The following C16orf96 variants were observed in gnomAD, a reference collection of about 807,000 sequenced individuals.
C16orf96 encodes chromosome 16 open reading frame 96.
C16orf96 carries 108 observed loss-of-function variants against 103.6 expected under a neutral mutation model. The ratio of observed to expected loss-of-function variants is 1.04; its 90% confidence interval spans 0.89 to 1.22. The LOEUF (loss-of-function observed/expected upper bound fraction) is 1.22, where lower values mean the gene tolerates loss of function less well. Among genes scored for constraint, C16orf96 ranks in the 50% most tolerant of loss-of-function variants. The probability of loss-of-function intolerance (pLI) is 0.00; values close to 1 mark genes in which losing one functional copy is unlikely to be tolerated. For synonymous variants in C16orf96, 566 were observed against 593.5 expected (o/e 0.95, Z 0.67); for missense variants, 1,586 against 1,464.2 (o/e 1.08, Z -1.36).
chr16:4,542,732 G>C, the C16orf96 span, among the ~76,000 whole-genome samples: 1 of 152,108 alleles, frequency 6.6e-6, no homozygotes, highest in Non-Finnish European at 1.5e-5. Flanking sequence ...GGGAGGCGGA[G>C]GTTGCAGTGA....
the C16orf96 span, among the ~76,000 whole-genome samples, chr16:4,547,047 T>C: frequency 6.6e-6 from 1 of 152,112 alleles, no homozygotes; most frequent in Non-Finnish European, 1.5e-5. Context: ...GCCGCTGCCT[T>C]CCTAAGAGCT....
chr16:4,556,894 T>G lies in C16orf96; in HGVS notation c.405T>G (p.Asp135Glu). ...IKLRKMVEGHDEVMAKSMQTL... is the reference protein window; with the variant it reads ...IKLRKMVEGHEEVMAKSMQTL... Reference sequence around the variant, plus strand: ...TCCGGAAGATGGTGGAGGGTCATGATGAAGTCATGGCCAAGGTACGCCCCC... The same window carrying G: ...TCCGGAAGATGGTGGAGGGTCATGAGGAAGTCATGGCCAAGGTACGCCCCC... The change falls in exon 1 of 16, where the codon GAT (aspartate) becomes GAG (glutamate). Residue 135 changes from aspartate to glutamate, a missense_variant. By Grantham distance (45) the Asp-to-Glu change is conservative. Coordinates refer to ENST00000444310, the MANE Select transcript of C16orf96 (RefSeq NM_001145011.2). The G allele has an allele frequency of 6.5e-7, 1 of 1,544,904 alleles. No homozygotes were observed. Among genetic ancestry groups the G allele is most frequent in the East Asian group, 2.5e-5 (1 of 40,732 alleles).
intron 7 of C16orf96, among the ~76,000 whole-genome samples, chr16:4,584,149 GTC>G (rs1410733638): frequency 6.6e-6 from 1 of 152,072 alleles, no homozygotes; most frequent in Non-Finnish European, 1.5e-5. Flanking sequence ...TCATGACTGT[GTC>G]TCTGTCTTGC....
chr16:4,542,759 T>G, the C16orf96 span, among the ~76,000 whole-genome samples: 1 of 152,064 alleles, frequency 6.6e-6, no homozygotes, highest in Admixed American at 6.6e-5. Context: ...ATCACACCAT[T>G]GCACTCCAGC....
At chr16:4,566,105 G>A (rs1030387019) in intron 1 of C16orf96, among the ~76,000 whole-genome samples, 2 of 152,190 alleles carry the variant, frequency 1.3e-5, no homozygotes, top group Non-Finnish European at 2.9e-5. Context: ...CTTGGCCTCC[G>A]AAAGCAGTCG....
chr16:4,541,306 A>C, the C16orf96 span, among the ~76,000 whole-genome samples: 19 of 152,294 alleles, frequency 1.2e-4, no homozygotes, highest in Non-Finnish European at 1.9e-4. Context: ...TGTGTTTGCA[A>C]ATTTGCCTAC....
At chr16:4,559,741 C>A (rs1399332531) in intron 1 of C16orf96, among the ~76,000 whole-genome samples, 1 of 152,104 alleles carries the variant, frequency 6.6e-6, no homozygotes, top group Non-Finnish European at 1.5e-5. Flanking sequence ...AAGGAAAAAA[C>A]CCTATTTCCC....
Position 4,574,808 on chromosome 16 carries a change from G to A in C16orf96, c.606+19G>A. The A allele has an allele frequency of 6.4e-7, 1 of 1,550,624 alleles. No individual in the cohort carries two copies. Among genetic ancestry groups the A allele is most frequent in the Non-Finnish European group, 8.7e-7 (1 of 1,146,462 alleles). ...GGAAGTGGTGAGGGCCACCATCCCT[G>A]TCTTCCCCCACTCCCCCTGGGACCC... is the stretch of plus-strand genomic sequence containing the variant. On this transcript the variant is annotated intron_variant, in intron 3 of 15. Transcript: ENST00000444310.
chr16:4,551,853 A>G (rs748351393), upstream of C16orf96, among the ~76,000 whole-genome samples: 9 of 152,218 alleles, frequency 5.9e-5, no homozygotes, highest in Admixed American at 1.3e-4. Flanking sequence ...TCAACCCATC[A>G]TCTAGGTTTT....
Position 4,576,351 on chromosome 16 carries a change from T to TG in C16orf96, c.1874dup (p.Ala626CysfsTer16), listed in dbSNP as rs1367806458. On this transcript the variant is annotated frameshift_variant, in exon 5 of 16. Transcript: ENST00000444310. LOFTEE classifies it high-confidence loss of function. ...CCCCTAGGGGTCTTTGCAGATGTCC[T>TG]GGGTGCAGGGCCTTCCCGGGGAGCC... 6.4e-7 allele frequency: 1 copy of TG among 1,550,856 alleles called. No homozygotes were observed. The highest frequency in any genetic ancestry group is 2.4e-5 in the East Asian group (1 of 40,926).
chr16:4,582,328 T>C (rs1684602), intron 7 of C16orf96, among the ~76,000 whole-genome samples: 145,063 of 151,680 alleles, frequency 0.96, 69,681 homozygotes, highest in East Asian at 1. Flanking sequence ...AAATAAATAA[T>C]AACCCACCAA....
At chr16:4,573,262 AC>A (rs1316030404) in intron 2 of C16orf96, among the ~76,000 whole-genome samples, 2 of 150,264 alleles carry the variant, frequency 1.3e-5, no homozygotes, top group South Asian at 2.1e-4. Context: ...ACATGGTAAA[AC>A]CCCCGTCTCC....
chr16:4,579,911 T>A, intron 6 of C16orf96, 104 bp from the exon 7 acceptor site: 1 of 960,976 alleles, frequency 1.0e-6, no homozygotes, highest in South Asian at 1.5e-5. Context: ...ACGCCCAGCC[T>A]GGTCTGGTAC....
chr16:4,589,881 C>T (rs1050332741), intron 9 of C16orf96, among the ~76,000 whole-genome samples: 6 of 149,902 alleles, frequency 4.0e-5, no homozygotes, highest in East Asian at 2.0e-4. Context: ...CCCAGCACTT[C>T]GGGAGGCTGA....
In C16orf96 at chr16:4,575,342, C is replaced by A. The variant is rs2059489820; in HGVS notation, c.862C>A (p.Leu288Ile). ...TGTCTGGCATTATGAGGTCCCAGAGCTCCTCCCGGAGGGCTCATCTGCCCA... is the reference window on the plus strand; with the variant it reads ...TGTCTGGCATTATGAGGTCCCAGAGATCCTCCCGGAGGGCTCATCTGCCCA... ...QTVWHYEVPE[L>I]LPEGSSAQAV... The change falls in exon 5 of 16, where the codon CTC becomes ATC. Residue 288 changes from leucine to isoleucine, a missense_variant. Transcript: ENST00000444310. 6.4e-7 allele frequency: 1 copy of A among 1,551,284 alleles called. No individual in the cohort carries two copies. Among genetic ancestry groups the A allele is most frequent in the South Asian group, 1.2e-5 (1 of 84,070 alleles).
upstream of C16orf96, among the ~76,000 whole-genome samples, chr16:4,554,676 C>A (rs181371929): frequency 1.3e-5 from 2 of 148,944 alleles, no homozygotes; most frequent in Admixed American, 1.3e-4. Flanking sequence ...TTGTTTGAGA[C>A]GGAGTCTTGC....
intron 11 of C16orf96, among the ~76,000 whole-genome samples, chr16:4,592,972 G>A (rs1897093363): frequency 6.6e-6 from 1 of 152,226 alleles, no homozygotes; most frequent in Admixed American, 6.5e-5. Flanking sequence ...ACCGCGCCTA[G>A]CCTGGTTTTT....
chr16:4,553,307 T>TG (rs1176554314), upstream of C16orf96, among the ~76,000 whole-genome samples: 1 of 152,210 alleles, frequency 6.6e-6, no homozygotes, highest in East Asian at 1.9e-4. Context: ...GGCGTTTTCC[T>TG]GGACTCTTGC....
chr16:4,564,604 A>G (rs1039119491), intron 1 of C16orf96, among the ~76,000 whole-genome samples: 22 of 152,210 alleles, frequency 1.4e-4, no homozygotes, highest in Admixed American at 9.8e-4. Flanking sequence ...TGAGCTCAGG[A>G]GTTCCAGGCC....
Sources: allele counts gnomAD v4.1 joint callset (sites outside exome capture counted in the v4.1 genomes callset), GRCh38; gene constraint gnomAD v4.1.1; transcripts MANE v1.5; gene names NCBI Gene and HGNC (gene_info 2026-07-23, HGNC 2026-07-21).